Variants in COL19A1 observed in about 807,000 individuals in gnomAD.
The protein encoded by COL19A1 is collagen alpha-1(XIX) chain.
A neutral mutation model predicts 190.2 loss-of-function variants in COL19A1; 159 were observed. That is an observed-to-expected ratio of 0.84 (90% CI 0.73 to 0.95). The LOEUF (loss-of-function observed/expected upper bound fraction) is 0.95. COL19A1 is among the 40% of genes least tolerant of loss of function. COL19A1 has a pLI of 0.00. For missense variants in COL19A1, 1,418 were observed against 1,431.9 expected (o/e 0.99, Z 0.16); for synonymous variants, 509 against 458.9 (o/e 1.11, Z -1.39).
rs139599884 is a variant in COL19A1 at position 70,207,191 on chromosome 6, C to A, written c.3346C>A (p.Pro1116Thr). Reference protein sequence around the residue: ...GSPGAPGPQGPPGPSGRCNPE... With the variant: ...GSPGAPGPQGTPGPSGRCNPE... The stretch of plus-strand genomic sequence containing the variant: ...ACCAGGTGCCCCAGGCCCACAGGGC[C>A]CCCCAGGACCCAGTGGAAGATGTAA... The change falls in exon 51 of 51, where the codon CCC becomes ACC. Residue 1116 changes from proline (P) to threonine (T), a missense_variant. Transcript: ENST00000620364. The A allele has an allele frequency of 8.1e-6, 13 of 1,613,684 alleles. No homozygotes were observed. Among genetic ancestry groups the A allele is most frequent in the Admixed American group, 5.0e-5 (3 of 59,966 alleles).
At chr6:70,040,172 T>C (rs1400523987) in intron 14 of COL19A1, among the ~76,000 whole-genome samples, 1 of 152,218 alleles carries the variant, frequency 6.6e-6, no homozygotes, top group Non-Finnish European at 1.5e-5. Flanking sequence ...AAAAATCTGA[T>C]ATGTAAAACC....
intron 15 of COL19A1, among the ~76,000 whole-genome samples, chr6:70,077,618 C>T (rs1409054746): frequency 1.3e-5 from 2 of 152,188 alleles, no homozygotes; most frequent in Non-Finnish European, 2.9e-5. Flanking sequence ...GTTGTGACCA[C>T]TGTATTATGG....
At chr6:69,969,036 T>C (rs1309584277) in intron 11 of COL19A1, among the ~76,000 whole-genome samples, 7 of 152,184 alleles carry the variant, frequency 4.6e-5, no homozygotes, top group African/African-American at 1.4e-4. Context: ...TGTTCCTAGC[T>C]TTCTTTATCA....
chr6:70,207,659 A>G lies in COL19A1; in HGVS notation c.*385A>G, dbSNP rs1767976425. Reference sequence around the variant, plus strand: ...GGTTGGCCTTTGATTTCTGAATTTTAAAGTTTCAGACTTATCTTTTCCTTG... The same window carrying G: ...GGTTGGCCTTTGATTTCTGAATTTTGAAGTTTCAGACTTATCTTTTCCTTG... On this transcript the variant is annotated 3_prime_UTR_variant, in exon 51 of 51. Coordinates refer to ENST00000620364, the MANE Select transcript of COL19A1 (RefSeq NM_001858.6). 1 of 153,652 alleles carries G rather than the reference A, an allele frequency of 6.5e-6. No individual in the cohort carries two copies. Among genetic ancestry groups the G allele is most frequent in the Non-Finnish European group, 1.4e-5 (1 of 69,102 alleles). The allele number at this position is 153,652 out of a possible 1,614,324, so 9.5% of individuals were successfully genotyped here. A position where few individuals can be genotyped will look rare whatever the true frequency, so the allele number is the denominator to read the frequency against.
chr6:69,928,432 TAA>T (rs1027356718), intron 5 of COL19A1, among the ~76,000 whole-genome samples: 7 of 152,122 alleles, frequency 4.6e-5, no homozygotes, highest in Non-Finnish European at 8.8e-5. Context: ...TCTTGGTGAA[TAA>T]AGAGTTGAGA....
At chr6:70,163,275 C>A in intron 35 of COL19A1, 68 bp from the exon 36 acceptor site, 10 of 1,429,632 alleles carry the variant, frequency 7.0e-6, no homozygotes, top group Non-Finnish European at 9.7e-6. Context: ...GTTTTAGTAA[C>A]CAACTTCCAA....
intron 17 of COL19A1, among the ~76,000 whole-genome samples, chr6:70,127,523 G>T (rs937819619): frequency 6.6e-6 from 1 of 152,102 alleles, no homozygotes; most frequent in African/African-American, 2.4e-5. Flanking sequence ...TCATATACAA[G>T]GAATAAGGAT....
At position 69,935,829 on chromosome 6, in the gene COL19A1, G is replaced by A. The variant is rs551282052; in HGVS notation, c.748-956G>A. On this transcript the variant is annotated intron_variant, in intron 7 of 50. Transcript: ENST00000620364. ...GGTTTCCTGCACAGATCATCAAAATGAATTTTTGTTACAAAACTTATCTAT... is the reference window on the plus strand; with the variant it reads ...GGTTTCCTGCACAGATCATCAAAATAAATTTTTGTTACAAAACTTATCTAT... 5.5e-3 allele frequency among the ~76,000 whole-genome samples: 832 copies of A among 151,956 alleles called. 18 individuals carry two copies. The East Asian group carries it at 0.069, about 13-fold the overall frequency.
At chr6:70,126,589 A>T (rs1785211583) in intron 17 of COL19A1, among the ~76,000 whole-genome samples, 1 of 152,172 alleles carries the variant, frequency 6.6e-6, no homozygotes, top group Admixed American at 6.5e-5. Flanking sequence ...GATAACTAAG[A>T]GGTTCGGCTT....
intron 41 of COL19A1, among the ~76,000 whole-genome samples, chr6:70,172,715 T>C (rs1391105068): frequency 6.6e-6 from 1 of 152,248 alleles, no homozygotes; most frequent in Non-Finnish European, 1.5e-5. Context: ...AAAAGATTGC[T>C]CTTTTACCAC....
At chr6:70,066,301 G>T (rs986632741) in intron 14 of COL19A1, among the ~76,000 whole-genome samples, 14 of 152,144 alleles carry the variant, frequency 9.2e-5, no homozygotes, top group African/African-American at 3.1e-4. Flanking sequence ...CCTTTGTAGG[G>T]ATATGGATGA....
rs950891467 is a variant in COL19A1 at position 69,919,210 on chromosome 6, G to C, written c.267-8699G>C. On this transcript the variant is annotated intron_variant, in intron 4 of 50. Transcript: ENST00000620364. ...ACTTTGCTTCATAGCAGTCCCCACA[G>C]ATCTCTGCTCTGTGCTTTCCAAGGT... Among the ~76,000 whole-genome samples, 4 of 152,174 alleles carry C rather than the reference G, an allele frequency of 2.6e-5. No individual in the cohort carries two copies. In the South Asian group the frequency reaches 6.2e-4, roughly 24 times the overall value.
chr6:69,921,348 TATATC>T (rs1362942210), intron 4 of COL19A1, among the ~76,000 whole-genome samples: 6 of 132,220 alleles, frequency 4.5e-5, no homozygotes, highest in Non-Finnish European at 6.1e-5. Flanking sequence ...ATATATATCA[TATATC>T]ATAATCATAT....
intron 44 of COL19A1, among the ~76,000 whole-genome samples, chr6:70,181,662 C>T (rs1167076697): frequency 5.9e-5 from 9 of 151,422 alleles, no homozygotes; most frequent in Non-Finnish European, 4.4e-5. Context: ...AAACAACACA[C>T]ACACACACAC....
In COL19A1 at chr6:70,171,980, T is replaced by C; in HGVS notation, c.2585T>C (p.Met862Thr). The C allele has an allele frequency of 3.1e-6, 5 of 1,612,312 alleles. No individual in the cohort carries two copies. The highest frequency in any genetic ancestry group is 4.2e-6 in the Non-Finnish European group (5 of 1,179,404). ...DPGPVGEPGA[M>T]GLPGLEGFPG... is the part of the protein sequence containing the mutation. Reference sequence around the variant, plus strand: ...ATTTAACAGGGAGAGCCTGGTGCAATGGGGTTGCCAGGATTAGAAGGATTT... The same window carrying C: ...ATTTAACAGGGAGAGCCTGGTGCAACGGGGTTGCCAGGATTAGAAGGATTT... The change falls in exon 41 of 51, where the codon ATG becomes ACG. Residue 862 changes from methionine to threonine, a missense_variant. Physicochemically the swap from Met to Thr is moderately conservative, Grantham distance 81 (BLOSUM62 -1). Transcript: ENST00000620364.
chr6:69,878,509 G>A (rs937277588), intron 1 of COL19A1, among the ~76,000 whole-genome samples: 2 of 151,872 alleles, frequency 1.3e-5, no homozygotes, highest in African/African-American at 4.8e-5. Context: ...CACCACGCTC[G>A]GCCTATATAT....
At chr6:70,087,555 T>G (rs1364612181) in intron 15 of COL19A1, among the ~76,000 whole-genome samples, 1 of 152,094 alleles carries the variant, frequency 6.6e-6, no homozygotes, top group African/African-American at 2.4e-5. Context: ...TGCAGGTCAT[T>G]CATTATAAGG....
intron 31 of COL19A1, 48 bp downstream of exon 31, chr6:70,151,486 T>A (rs1292320294): frequency 3.2e-6 from 5 of 1,577,580 alleles, no homozygotes; most frequent in Admixed American, 1.7e-5. Flanking sequence ...CCAGGAAAAA[T>A]TAGAAAGAAA....
chr6:69,947,227 A>G (rs970712312), intron 9 of COL19A1, among the ~76,000 whole-genome samples: 7 of 152,034 alleles, frequency 4.6e-5, no homozygotes, highest in Admixed American at 1.3e-4. Context: ...AATATAGACT[A>G]TAAGACATAC....
Sources: allele counts gnomAD v4.1 joint callset (sites outside exome capture counted in the v4.1 genomes callset), GRCh38; gene constraint gnomAD v4.1.1; transcripts MANE v1.5; gene names NCBI Gene and HGNC (gene_info 2026-07-23, HGNC 2026-07-21).